Variants in AGAP5 observed in about 807,000 individuals in gnomAD.
AGAP5 encodes ArfGAP with GTPase domain, ankyrin repeat and PH domain 5.
AGAP5 carries 8 observed loss-of-function variants against 27.7 expected under a neutral mutation model. The observed-to-expected ratio is 0.29, with a 90% CI of 0.17 to 0.52. AGAP5 has a LOEUF of 0.52. Ranked by LOEUF, AGAP5 falls within the 20% of genes least tolerant of loss-of-function variation. The pLI is 0.97. For synonymous variants in AGAP5, 111 were observed against 338.0 expected (o/e 0.33, Z 7.37); for missense variants, 285 against 880.8 (o/e 0.32, Z 8.56).
At chr10:73,689,449 A>G (rs2082095144) in intron 4 of AGAP5, among the ~76,000 whole-genome samples, 1 of 87,812 alleles carries the variant, frequency 1.1e-5, no homozygotes. Flanking sequence ...TGGCCGCCCC[A>G]TCGTCTGGGA....
chr10:73,695,640 T>C (rs2082154881), intron 2 of AGAP5, among the ~76,000 whole-genome samples: 1 of 152,242 alleles, frequency 6.6e-6, no homozygotes, highest in Non-Finnish European at 1.5e-5. Context: ...TCTTGAAATG[T>C]GAAGATAGTA....
chr10:73,675,313 G>A lies in AGAP5; in HGVS notation c.1347C>T (p.Cys449=), dbSNP rs1306556421. 1.1e-5 allele frequency: 17 copies of A among 1,613,056 alleles called. No individual in the cohort carries two copies. The highest frequency in any genetic ancestry group is 4.0e-5 in the African/African-American group (3 of 74,782). ...GCTGGGACTTGCTTTTACTGCTCTC[G>A]CATGACTGCAGGCTGGCCAGGATCT... ...QSQILASLQS[C]ESSKSKSQLT... is the part of the protein sequence containing the mutation. The change falls in exon 8 of 8, where the codon TGC becomes TGT. Residue 449 remains cysteine, a synonymous_variant. Coordinates refer to ENST00000374094, the MANE Select transcript of AGAP5 (RefSeq NM_001144000.4).
chr10:73,697,265 A>C, intron 1 of AGAP5, 102 bp from the exon 2 acceptor site: 1 of 1,546,416 alleles, frequency 6.5e-7, no homozygotes, highest in South Asian at 1.2e-5. Flanking sequence ...CCATAAATAA[A>C]TGGTCCCATG....
intron 3 of AGAP5, among the ~76,000 whole-genome samples, chr10:73,693,649 A>G (rs1412510254): frequency 6.6e-6 from 1 of 151,676 alleles, no homozygotes; most frequent in Non-Finnish European, 1.5e-5. Context: ...TAGTGAGCCA[A>G]GATCATGCCA....
rs1304661994 is a variant in AGAP5, at chr10:73,692,034, T to C, written c.396+9A>G. On this transcript the variant is annotated intron_variant, in intron 4 of 7. Transcript: ENST00000374094. The stretch of plus-strand genomic sequence containing the variant: ...TATCAATTTCTTAACTATTTGAGTG[T>C]TTACTTACATGGTTTGTACAGTTGC... 9 of 1,480,756 alleles carry C rather than the reference T, an allele frequency of 6.1e-6. No homozygotes were observed. Among genetic ancestry groups the C allele is most frequent in the Non-Finnish European group, 8.1e-6 (9 of 1,105,890 alleles). The allele number at this position is 1,480,756 out of a possible 1,614,324, so 91.7% of individuals were successfully genotyped here.
chr10:73,694,797 C>T lies in AGAP5; in HGVS notation c.300G>A (p.Glu100=), dbSNP rs2082147542. ...FQRNSQTDAL[E]FNPSANPEAS... is the part of the protein sequence containing the mutation. ...CCTCTGGATTGGCAGAAGGGTTAAA[C>T]TCCAAAGCTATATGCATAGAGGAAG... Residue 100 remains glutamate, a synonymous_variant, in exon 3 of 8, where the codon GAG becomes GAA. Transcript: ENST00000374094. 6 of 1,598,126 alleles carry T rather than the reference C, an allele frequency of 3.8e-6. No homozygotes were observed. Among genetic ancestry groups the T allele is most frequent in the Admixed American group, 1.7e-5 (1 of 59,902 alleles).
intron 4 of AGAP5, among the ~76,000 whole-genome samples, chr10:73,686,597 A>G (rs1235948465): frequency 2.0e-5 from 3 of 152,230 alleles, no homozygotes; most frequent in South Asian, 4.1e-4. Context: ...CAATCAGCAG[A>G]GTATACAGAC....
intron 4 of AGAP5, among the ~76,000 whole-genome samples, chr10:73,690,056 A>G (rs2082103692): frequency 6.7e-6 from 1 of 148,232 alleles, no homozygotes; most frequent in South Asian, 2.1e-4. Context: ...GGCCGCCCCT[A>G]CTGGGAAGTG....
intron 2 of AGAP5, among the ~76,000 whole-genome samples, chr10:73,695,815 T>C (rs371971050): frequency 6.6e-6 from 1 of 152,074 alleles, no homozygotes; most frequent in Non-Finnish European, 1.5e-5. Context: ...GGATTTAATA[T>C]GTTTATGATG....
chr10:73,697,858 T>C lies in AGAP5; in HGVS notation c.-103A>G. ...GGCTATGCTGCACTTGCAGAGATGG[T>C]CTTCCCGCTCCTCGCCTGCCCACCT... is the stretch of plus-strand genomic sequence containing the variant. On this transcript the variant is annotated 5_prime_UTR_variant, in exon 1 of 8. Transcript: ENST00000374094. 6.4e-7 allele frequency: 1 copy of C among 1,556,790 alleles called. No homozygotes were observed. Among genetic ancestry groups the C allele is most frequent in the South Asian group, 1.1e-5 (1 of 87,310 alleles).
intron 2 of AGAP5, among the ~76,000 whole-genome samples, chr10:73,695,323 T>G (rs1217508716): frequency 6.6e-6 from 1 of 152,106 alleles, no homozygotes; most frequent in African/African-American, 2.4e-5. Flanking sequence ...TCATGTGATA[T>G]CTCTAAGTTT....
intron 6 of AGAP5, among the ~76,000 whole-genome samples, chr10:73,678,942 C>T (rs1384365334): frequency 6.6e-6 from 1 of 151,586 alleles, no homozygotes; most frequent in Non-Finnish European, 1.5e-5. Flanking sequence ...CAACCTCCAC[C>T]TCCCAGGCTC....
chr10:73,687,365 T>C (rs2132451360), intron 4 of AGAP5, among the ~76,000 whole-genome samples: 1 of 152,350 alleles, frequency 6.6e-6, no homozygotes, highest in South Asian at 2.1e-4. Context: ...AGCGATCCTC[T>C]GCCTCAGCCT....
At chr10:73,690,311 C>T (rs919248630) in intron 4 of AGAP5, among the ~76,000 whole-genome samples, 5 of 152,186 alleles carry the variant, frequency 3.3e-5, no homozygotes, top group Admixed American at 3.3e-4. Flanking sequence ...ACCTTACCCC[C>T]AACCCTGTGC....
intron 6 of AGAP5, among the ~76,000 whole-genome samples, chr10:73,679,193 T>C (rs1156564631): frequency 7.0e-6 from 1 of 143,288 alleles, no homozygotes; most frequent in Non-Finnish European, 1.5e-5. Flanking sequence ...GACAGAGTCT[T>C]GCTCTGTCAC....
chr10:73,697,868 C>T lies in AGAP5; in HGVS notation c.-113G>A. The T allele has an allele frequency of 1.3e-6, 2 of 1,546,902 alleles. No individual in the cohort carries two copies. Among genetic ancestry groups the T allele is most frequent in the South Asian group, 1.2e-5 (1 of 86,058 alleles). ...CACTTGCAGAGATGGTCTTCCCGCTCCTCGCCTGCCCACCTCACAGCGCGG... is the reference window on the plus strand; with the variant it reads ...CACTTGCAGAGATGGTCTTCCCGCTTCTCGCCTGCCCACCTCACAGCGCGG... On this transcript the variant is annotated 5_prime_UTR_variant, in exon 1 of 8. Coordinates refer to ENST00000374094, the MANE Select transcript of AGAP5 (RefSeq NM_001144000.4).
chr10:73,690,188 T>C (rs55808128), intron 4 of AGAP5, among the ~76,000 whole-genome samples: 8 of 152,330 alleles, frequency 5.3e-5, no homozygotes, highest in Non-Finnish European at 1.0e-4. Flanking sequence ...AGGGAAAAGA[T>C]TGAGAAATCG....
rs1419460833 is a variant in AGAP5, at chr10:73,674,465, T to C, written c.*134A>G. On this transcript the variant is annotated 3_prime_UTR_variant, in exon 8 of 8. Transcript: ENST00000374094. ...TCAGAAAAATCAACATTTTGTGTAT[T>C]TACTTAGTTTATGAAAAGTACTGAA... 15 of 1,574,684 alleles carry C rather than the reference T, an allele frequency of 9.5e-6. No homozygotes were observed. The highest frequency in any genetic ancestry group is 1.0e-5 in the Non-Finnish European group (12 of 1,158,948).
chr10:73,695,075 T>TA (rs768958731), intron 2 of AGAP5, among the ~76,000 whole-genome samples: 1,685 of 138,990 alleles, frequency 0.012, 12 homozygotes, highest in Admixed American at 0.019. Context: ...CTCCTTTATT[T>TA]AAAAAAAAAA....
Sources: allele counts gnomAD v4.1 joint callset (sites outside exome capture counted in the v4.1 genomes callset), GRCh38; gene constraint gnomAD v4.1.1; transcripts MANE v1.5; gene names NCBI Gene and HGNC (gene_info 2026-07-23, HGNC 2026-07-21).